Variants in FRMPD4 observed in about 807,000 individuals in gnomAD.
FRMPD4 encodes the protein FERM and PDZ domain containing 4.
Under a neutral mutation model 94.1 loss-of-function variants are expected in FRMPD4, and 22 were observed. The observed-to-expected ratio is 0.23, with a 90% CI of 0.17 to 0.33. The LOEUF (loss-of-function observed/expected upper bound fraction) is 0.33. FRMPD4 is among the 10% of genes least tolerant of loss of function. The pLI is 1.00. For synonymous variants in FRMPD4, 631 were observed against 548.6 expected (o/e 1.15, Z -2.10); for missense variants, 1,111 against 1,339.9 (o/e 0.83, Z 2.67).
chrX:11,839,187 C>T (rs2053518714), intron 1 of FRMPD4, among the ~76,000 whole-genome samples: 2 of 111,191 alleles, frequency 1.8e-5, no homozygotes, highest in Admixed American at 1.9e-4. Context: ...ATTGTTTTTA[C>T]AAAATAGCTG....
At chrX:12,357,261 G>T (rs891894530) in intron 1 of FRMPD4, among the ~76,000 whole-genome samples, 2 of 111,734 alleles carry the variant, frequency 1.8e-5, no homozygotes, top group African/African-American at 3.3e-5. Context: ...AGCTACTAAA[G>T]ATTTTAAATT....
chrX:12,407,719 C>T (rs377148514), intron 1 of FRMPD4, among the ~76,000 whole-genome samples: 3 of 111,524 alleles, frequency 2.7e-5, no homozygotes, highest in African/African-American at 6.5e-5. Context: ...TCATGTAAGC[C>T]GTCACAGCTA....
chrX:11,869,235 C>T (rs767174916), intron 2 of FRMPD4, among the ~76,000 whole-genome samples: 48 of 112,085 alleles, frequency 4.3e-4, no homozygotes, highest in South Asian at 2.2e-3. Flanking sequence ...CTAAGACATA[C>T]GGCATATTCC....
chrX:12,697,014 T>C (rs1188023308), intron 9 of FRMPD4, among the ~76,000 whole-genome samples: 1 of 112,271 alleles, frequency 8.9e-6, no homozygotes, highest in Non-Finnish European at 1.9e-5. Context: ...CAGTGGTCTT[T>C]GGAAGACTGT....
chrX:12,711,882 G>A (rs186855463), intron 14 of FRMPD4, among the ~76,000 whole-genome samples: 1 of 108,213 alleles, frequency 9.2e-6, no homozygotes, highest in East Asian at 2.9e-4. Flanking sequence ...TAAATATACT[G>A]CAATATGTAG....
intron 1 of FRMPD4, among the ~76,000 whole-genome samples, chrX:12,397,202 G>C (rs1436933754): frequency 9.1e-6 from 1 of 110,422 alleles, no homozygotes; most frequent in Non-Finnish European, 1.9e-5. Context: ...TTGCATAACA[G>C]GCCTCTAAAC....
chrX:12,195,867 C>A (rs766365422), intron 1 of FRMPD4, among the ~76,000 whole-genome samples: 4 of 111,437 alleles, frequency 3.6e-5, no homozygotes, highest in Non-Finnish European at 7.5e-5. Flanking sequence ...GCTTCTGGCT[C>A]CATGAGGGCA....
chrX:11,932,235 T>G (rs2054126204), intron 3 of FRMPD4, among the ~76,000 whole-genome samples: 1 of 112,098 alleles, frequency 8.9e-6, no homozygotes, highest in Non-Finnish European at 1.9e-5. Flanking sequence ...CAGGCATGAA[T>G]TCAGAAAGAT....
chrX:12,716,001 T>TGGCCCCCCCCCCCCCCCC, intron 14 of FRMPD4, 68 bp from the exon 15 acceptor site: 2 of 231,650 alleles, frequency 8.6e-6, no homozygotes, highest in Non-Finnish European at 8.2e-6. Flanking sequence ...GAGACGAGCC[T>TGGCCCCCCCCCCCCCCCC]CCCACCCCCG....
chrX:12,337,856 T>C (rs1048229849), intron 1 of FRMPD4, among the ~76,000 whole-genome samples: 1 of 112,709 alleles, frequency 8.9e-6, no homozygotes, highest in Admixed American at 9.4e-5. Context: ...AAAAGGGGCA[T>C]GTATACTTGT....
rs63071261 is a variant in FRMPD4, at chrX:12,269,352, TA to T, written c.41+130351del. ...GGCCTCAGATTCTTCATTAATAAAA[TA>T]AAAAAAAAAATCTTCCTGGAAGCTC... On this transcript the variant is annotated intron_variant, in intron 1 of 16. Transcript: ENST00000675598. 6.0e-4 allele frequency among the ~76,000 whole-genome samples: 62 copies of T among 103,824 alleles called. No individual in the cohort carries two copies. The South Asian group carries it at 6.1e-3, about 10-fold the overall frequency. The allele number at this position is 103,824 out of a possible 115,157, so 90.2% of individuals were successfully genotyped here.
intron 1 of FRMPD4, chrX:12,395,638 T>G (rs1300236886): frequency 8.9e-6 from 1 of 111,890 alleles, no homozygotes; most frequent in Non-Finnish European, 1.9e-5. Context: ...GCTACATATT[T>G]TACTAAATAT....
At chrX:12,257,513 ACT>A (rs970703632) in intron 1 of FRMPD4, among the ~76,000 whole-genome samples, 32 of 110,833 alleles carry the variant, frequency 2.9e-4, no homozygotes, top group African/African-American at 9.9e-4. Context: ...ACTTGTTTTG[ACT>A]TTTTTTTTCT....
chrX:12,694,245 G>A (rs2060105932), intron 8 of FRMPD4, 90 bp from the exon 9 acceptor site: 1 of 634,731 alleles, frequency 1.6e-6, no homozygotes, highest in Non-Finnish European at 2.5e-6. Context: ...TCTTTCCTTA[G>A]TGTCCAAAAA....
chrX:12,102,308 G>A (rs2055262593), intron 3 of FRMPD4, among the ~76,000 whole-genome samples: 1 of 111,990 alleles, frequency 8.9e-6, no homozygotes, highest in East Asian at 2.8e-4. Context: ...GTCATTATAA[G>A]ACATACCAGA....
At chrX:12,533,896 T>G (rs1409576424) in intron 2 of FRMPD4, among the ~76,000 whole-genome samples, 1 of 112,363 alleles carries the variant, frequency 8.9e-6, no homozygotes, top group African/African-American at 3.2e-5. Flanking sequence ...GAGGAGAAAT[T>G]CAAGCAGGCT....
intron 1 of FRMPD4, among the ~76,000 whole-genome samples, chrX:12,317,402 G>T (rs143425829): frequency 9.1e-6 from 1 of 109,996 alleles, no homozygotes; most frequent in African/African-American, 3.3e-5. Flanking sequence ...CCTCAAAAGC[G>T]CAGACAGCCA....
At chrX:12,028,633 G>A (rs6639129) in intron 3 of FRMPD4, among the ~76,000 whole-genome samples, 4 of 109,957 alleles carry the variant, frequency 3.6e-5, no homozygotes, top group Non-Finnish European at 7.6e-5. Flanking sequence ...TGTGTTCTAC[G>A]TATTCATCTC....
chrX:12,525,047 C>A (rs2058207820), intron 2 of FRMPD4, among the ~76,000 whole-genome samples: 1 of 111,209 alleles, frequency 9.0e-6, no homozygotes, highest in South Asian at 3.9e-4. Context: ...TCCAATGTGA[C>A]CCAAGGAAGC....
Sources: allele counts gnomAD v4.1 joint callset (sites outside exome capture counted in the v4.1 genomes callset), GRCh38; gene constraint gnomAD v4.1.1; transcripts MANE v1.5; gene names NCBI Gene and HGNC (gene_info 2026-07-23, HGNC 2026-07-21).